The following MARCHF8 variants were observed in gnomAD, a reference collection of about 807,000 sequenced individuals.
MARCHF8 encodes E3 ubiquitin-protein ligase MARCHF8.
A neutral mutation model predicts 51.6 loss-of-function variants in MARCHF8; 40 were observed. The observed-to-expected ratio is 0.77, with a 90% CI of 0.60 to 1.01. MARCHF8 has a LOEUF of 1.01. MARCHF8 is among the 50% of genes least tolerant of loss of function. MARCHF8 has a pLI of 0.00. For synonymous variants in MARCHF8, 263 were observed against 280.3 expected (o/e 0.94, Z 0.62); for missense variants, 685 against 708.6 (o/e 0.97, Z 0.38).
chr10:45,478,248 G>C (rs2042821875), intron 3 of MARCHF8, among the ~76,000 whole-genome samples: 1 of 152,018 alleles, frequency 6.6e-6, no homozygotes, highest in African/African-American at 2.4e-5. Flanking sequence ...AAATCAACTA[G>C]AAACTGTACA....
chr10:45,499,336 A>C (rs2043234246), intron 2 of MARCHF8, among the ~76,000 whole-genome samples: 2 of 152,182 alleles, frequency 1.3e-5, no homozygotes, highest in South Asian at 4.1e-4. Flanking sequence ...TCTAGATATT[A>C]TCCCTTTATC....
In MARCHF8 at chr10:45,459,322, G is replaced by T; in HGVS notation, c.1270-55C>A. 2.5e-6 allele frequency: 4 copies of T among 1,580,488 alleles called. No homozygotes were observed. In the Admixed American group the frequency reaches 7.3e-5, roughly 29 times the overall value. On this transcript the variant is annotated intron_variant, in intron 6 of 7. Transcript: ENST00000453424. ...AGGCTTCTGGGGAAGGGCTCCGGTG[G>T]GGTGAGAGCATTGTAGGTAGGTAAG...
At chr10:45,525,639 T>C (rs958418794) in intron 2 of MARCHF8, among the ~76,000 whole-genome samples, 22 of 152,146 alleles carry the variant, frequency 1.4e-4, no homozygotes, top group Non-Finnish European at 2.6e-4. Flanking sequence ...AGTAACTTTA[T>C]AGTGGAGAGA....
chr10:45,532,249 A>G (rs577613988), intron 2 of MARCHF8, among the ~76,000 whole-genome samples: 32 of 152,368 alleles, frequency 2.1e-4, no homozygotes, highest in African/African-American at 5.3e-4. Flanking sequence ...ATAAGGCTTT[A>G]TTAAATAACC....
Position 45,558,845 on chromosome 10 carries a change from C to T in MARCHF8, c.-78-25556G>A, listed in dbSNP as rs532280016. ...TTAACTGTTTTATAATTATGTAGTA[C>T]CACAAATAAAACTTCTATTTTGAAT... is the stretch of plus-strand genomic sequence containing the variant. On this transcript the variant is annotated intron_variant, in intron 1 of 6. Coordinates refer to the MARCHF8 transcript ENST00000319836. Among the ~76,000 whole-genome samples, 5 of 152,238 alleles carry T rather than the reference C, an allele frequency of 3.3e-5. No homozygotes were observed. The East Asian group carries it at 5.8e-4, about 18-fold the overall frequency.
chr10:45,518,469 C>A (rs2043655033), intron 2 of MARCHF8, among the ~76,000 whole-genome samples: 1 of 152,172 alleles, frequency 6.6e-6, no homozygotes, highest in South Asian at 2.1e-4. Flanking sequence ...AACCTACCTG[C>A]CTGCAGTTCA....
intron 1 of MARCHF8, chr10:45,594,209 T>G (rs1014291058): frequency 6.6e-6 from 1 of 152,216 alleles, no homozygotes; most frequent in Non-Finnish European, 1.5e-5. Context: ...AAAGAAAAGT[T>G]AGCAATTAAA....
rs569763086 is a variant in MARCHF8 at position 45,463,990 on chromosome 10, A to C, written c.249T>G (p.Ser83Arg). The change falls in exon 5 of 8, where the codon AGT (serine) becomes AGG (arginine). Residue 83 changes from serine (S) to arginine (R), a missense_variant. Transcript: ENST00000453424. ...TPSSQDICSS[S>R]AVFSECCHHS... ...GGTGACAACACTCAGAAAACACTGC[A>C]CTGGAACTGCATGCAGAACAGTGGG... The C allele has an allele frequency of 6.5e-6, 10 of 1,534,512 alleles. 1 individual carries two copies. The South Asian group carries it at 1.2e-4, about 18-fold the overall frequency.
intron 1 of MARCHF8, among the ~76,000 whole-genome samples, chr10:45,571,936 C>T (rs192224234): frequency 1.3e-5 from 2 of 152,256 alleles, no homozygotes; most frequent in East Asian, 1.9e-4. Flanking sequence ...TGTTTAATCA[C>T]GCGGGGACAC....
At chr10:45,578,268 G>A (rs911388776) in intron 1 of MARCHF8, among the ~76,000 whole-genome samples, 2 of 152,094 alleles carry the variant, frequency 1.3e-5, no homozygotes, top group Non-Finnish European at 2.9e-5. Flanking sequence ...AGATCATCTT[G>A]TTGCACCAGA....
intron 1 of MARCHF8, among the ~76,000 whole-genome samples, chr10:45,556,711 A>G (rs1166029766): frequency 6.6e-6 from 1 of 152,216 alleles, no homozygotes; most frequent in Non-Finnish European, 1.5e-5. Flanking sequence ...ATTTCTCTGA[A>G]TTATCAACTT....
intron 1 of MARCHF8, among the ~76,000 whole-genome samples, chr10:45,568,109 T>C (rs2044384992): frequency 6.6e-6 from 1 of 152,256 alleles, no homozygotes; most frequent in Non-Finnish European, 1.5e-5. Flanking sequence ...GCTACTGATT[T>C]TGGTACGTTA....
chr10:45,565,937 C>G (rs948249558), intron 1 of MARCHF8, among the ~76,000 whole-genome samples: 4 of 152,198 alleles, frequency 2.6e-5, no homozygotes, highest in Non-Finnish European at 4.4e-5. Context: ...CCATGGCCAA[C>G]AGCACTACAA....
chr10:45,521,485 T>C (rs914984575), intron 2 of MARCHF8, among the ~76,000 whole-genome samples: 1 of 152,220 alleles, frequency 6.6e-6, no homozygotes, highest in African/African-American at 2.4e-5. Flanking sequence ...CTCAAGTGTA[T>C]GTGGAAGGTA....
Position 45,458,420 on chromosome 10 carries a change from T to A in MARCHF8, c.1541A>T (p.Tyr514Phe). Residue 514 changes from tyrosine (Y) to phenylalanine (F), a missense_variant, in exon 8 of 8, where the codon TAT becomes TTT. Tyr to Phe is a conservative substitution (Grantham distance 22). Coordinates refer to ENST00000453424, the MANE Select transcript of MARCHF8 (RefSeq NM_001282866.2). ...YVQLWKRLKA[Y>F]NRVIYVQNCP... ...GTTTTGAACATAGATCACTCTATTA[T>A]AGGCCTTGAGTCTCTTCCACAATTG... 1 of 1,614,220 alleles carries A rather than the reference T, an allele frequency of 6.2e-7. No homozygotes were observed. The highest frequency in any genetic ancestry group is 8.5e-7 in the Non-Finnish European group (1 of 1,180,042).
At chr10:45,512,595 G>A (rs1373245613) in intron 2 of MARCHF8, among the ~76,000 whole-genome samples, 1 of 149,134 alleles carries the variant, frequency 6.7e-6, no homozygotes, top group Non-Finnish European at 1.5e-5. Context: ...AGTCCGGGAG[G>A]GAGGTGGGGG....
In MARCHF8 at chr10:45,558,610, G is replaced by A. The variant is rs1450723602; in HGVS notation, c.-78-25321C>T. On this transcript the variant is annotated intron_variant, in intron 1 of 6. Transcript: ENST00000319836. ...ATGACAGTTGACCTATCAACCAAAC[G>A]ATCTTTGCACTGACAACAGTGGCTG... Among the ~76,000 whole-genome samples the A allele has an allele frequency of 2.0e-5, 3 of 152,218 alleles. No homozygotes were observed. The East Asian group carries it at 5.8e-4, about 29-fold the overall frequency.
chr10:45,554,064 T>C (rs2044225523), intron 1 of MARCHF8, among the ~76,000 whole-genome samples: 1 of 152,212 alleles, frequency 6.6e-6, no homozygotes, highest in Admixed American at 6.5e-5. Context: ...ATTGGTGGTA[T>C]AATCATGCAA....
chr10:45,503,266 G>A (rs1009010905), intron 2 of MARCHF8, among the ~76,000 whole-genome samples: 6 of 152,192 alleles, frequency 3.9e-5, no homozygotes, highest in East Asian at 3.9e-4. Flanking sequence ...GGCCGGGCAC[G>A]GTGGCTCACA....
Sources: allele counts gnomAD v4.1 joint callset (sites outside exome capture counted in the v4.1 genomes callset), GRCh38; gene constraint gnomAD v4.1.1; transcripts MANE v1.5; gene names NCBI Gene and HGNC (gene_info 2026-07-23, HGNC 2026-07-21).